The following ANK3 variants were observed in gnomAD, a reference collection of about 807,000 sequenced individuals.
ANK3 encodes the protein ankyrin 3.
In ANK3, 57 loss-of-function variants were observed where a neutral mutation model predicts 370.9. That is an observed-to-expected ratio of 0.15 (90% confidence interval 0.12 to 0.19). The LOEUF (loss-of-function observed/expected upper bound fraction) is 0.19. Ranked by LOEUF, ANK3 falls within the 10% of genes least tolerant of loss-of-function variation. The probability of loss-of-function intolerance (pLI) is 1.00; values close to 1 mark genes in which losing one functional copy is unlikely to be tolerated. For missense variants in ANK3, 4,439 were observed against 5,302.1 expected, an observed-to-expected ratio of 0.84 and a Z score of 5.06; for synonymous variants, 1,929 against 1,946.3, an observed-to-expected ratio of 0.99 and a Z score of 0.23.
At chr10:60,381,035 C>T (rs556270143) in intron 1 of ANK3, among the ~76,000 whole-genome samples, 9 of 152,112 alleles carry the variant, frequency 5.9e-5, no homozygotes, top group Admixed American at 1.3e-4. Flanking sequence ...TTATTCATTC[C>T]TCTCCCAGTC....
intron 24 of ANK3, 163 bp downstream of exon 24, chr10:60,138,801 A>AAAAT (rs2094453727): frequency 1.1e-5 from 9 of 845,702 alleles, no homozygotes; most frequent in Non-Finnish European, 1.4e-5. Flanking sequence ...ACCACAAAAG[A>AAAAT]AAATAGCAGA....
chr10:60,116,320 G>A (rs977091139), intron 25 of ANK3, among the ~76,000 whole-genome samples: 4 of 152,114 alleles, frequency 2.6e-5, no homozygotes, highest in Non-Finnish European at 5.9e-5. Flanking sequence ...ATTTCCCAGT[G>A]AAATGTTCTG....
At chr10:60,120,668 T>C (rs1185640082) in intron 25 of ANK3, among the ~76,000 whole-genome samples, 1 of 151,846 alleles carries the variant, frequency 6.6e-6, no homozygotes, top group Non-Finnish European at 1.5e-5. Flanking sequence ...AAGAACTGAA[T>C]AGACATTTCT....
At chr10:60,112,139 G>A (rs903136572) in intron 26 of ANK3, among the ~76,000 whole-genome samples, 4 of 152,082 alleles carry the variant, frequency 2.6e-5, no homozygotes, top group Non-Finnish European at 4.4e-5. Context: ...TAATGTATGG[G>A]AAAGTTCATT....
At chr10:60,636,440 T>A (rs2078555903) in intron 1 of ANK3, among the ~76,000 whole-genome samples, 1 of 152,184 alleles carries the variant, frequency 6.6e-6, no homozygotes, top group African/African-American at 2.4e-5. Flanking sequence ...CCAACTTTCT[T>A]CTCTTCGTGT....
At chr10:60,189,846 G>C (rs1455263283) in intron 16 of ANK3, among the ~76,000 whole-genome samples, 3 of 152,146 alleles carry the variant, frequency 2.0e-5, no homozygotes, top group Non-Finnish European at 4.4e-5. Flanking sequence ...ATTATCAAAA[G>C]TAATATATAG....
intron 1 of ANK3, among the ~76,000 whole-genome samples, chr10:60,631,857 G>A (rs901156229): frequency 2.6e-5 from 4 of 152,204 alleles, no homozygotes; most frequent in African/African-American, 7.2e-5. Flanking sequence ...ATTAATACAA[G>A]TCGAATTTTT....
chr10:60,139,169 T>C (rs1336261524), intron 23 of ANK3, 82 bp from the exon 24 acceptor site: 5 of 1,526,264 alleles, frequency 3.3e-6, no homozygotes, highest in East Asian at 2.3e-5. Flanking sequence ...CCTTTGGTTA[T>C]CAGCAAATCC....
intron 21 of ANK3, among the ~76,000 whole-genome samples, chr10:60,171,059 G>A (rs1466538373): frequency 1.3e-5 from 2 of 152,006 alleles, no homozygotes; most frequent in African/African-American, 4.8e-5. Context: ...AGCTACATGG[G>A]ATATAAAATT....
intron 18 of ANK3, among the ~76,000 whole-genome samples, chr10:60,177,593 CTTTTTT>C (rs771714886): frequency 9.4e-6 from 1 of 106,252 alleles, no homozygotes; most frequent in East Asian, 3.2e-4. Flanking sequence ...GTCTTCAAAT[CTTTTTT>C]TTTTTTTTTT....
chr10:60,273,527 T>A (rs1054784775), intron 4 of ANK3, among the ~76,000 whole-genome samples: 2 of 152,212 alleles, frequency 1.3e-5, no homozygotes, highest in African/African-American at 2.4e-5. Flanking sequence ...TAACCACTAA[T>A]GCACTTTCTC....
intron 1 of ANK3, among the ~76,000 whole-genome samples, chr10:60,366,188 A>G (rs1174862469): frequency 6.6e-6 from 1 of 151,940 alleles, no homozygotes; most frequent in Non-Finnish European, 1.5e-5. Flanking sequence ...AAATACAAAA[A>G]TTAGCCAGGC....
chr10:60,361,481 G>C (rs7083624), intron 1 of ANK3, among the ~76,000 whole-genome samples: 109,680 of 152,050 alleles, frequency 0.72, 40,042 homozygotes, highest in South Asian at 0.9. Flanking sequence ...TTAATTTTCG[G>C]TTTAACTCAA....
chr10:60,418,966 T>G (rs1294561557), intron 2 of ANK3, among the ~76,000 whole-genome samples: 3 of 152,170 alleles, frequency 2.0e-5, no homozygotes, highest in African/African-American at 7.2e-5. Flanking sequence ...ATTTGTAATA[T>G]TTACAATACA....
chr10:60,163,702 TTTATC>T (rs1445014096), intron 23 of ANK3, among the ~76,000 whole-genome samples: 1 of 152,182 alleles, frequency 6.6e-6, no homozygotes, highest in Non-Finnish European at 1.5e-5. Context: ...TTTTTAATTT[TTTATC>T]TTATTTATTT....
intron 2 of ANK3, among the ~76,000 whole-genome samples, chr10:60,535,132 CA>C (rs1197129471): frequency 6.6e-6 from 1 of 152,144 alleles, no homozygotes; most frequent in African/African-American, 2.4e-5. Context: ...CAATACAGGT[CA>C]CTGTAGACTG....
At chr10:60,249,974 T>C (rs1592464759) in intron 7 of ANK3, among the ~76,000 whole-genome samples, 1 of 152,246 alleles carries the variant, frequency 6.6e-6, no homozygotes, top group East Asian at 1.9e-4. Context: ...CACTGACTTA[T>C]CTATAAAATT....
chr10:60,379,796 T>A (rs1283172151), intron 1 of ANK3, among the ~76,000 whole-genome samples: 1 of 152,160 alleles, frequency 6.6e-6, no homozygotes, highest in African/African-American at 2.4e-5. Context: ...GTTCTAGTAT[T>A]CTGTATCACA....
intron 1 of ANK3, among the ~76,000 whole-genome samples, chr10:60,687,963 G>C (rs1366494611): frequency 1.3e-5 from 2 of 152,168 alleles, no homozygotes; most frequent in Non-Finnish European, 2.9e-5. Flanking sequence ...CAGTGACAGA[G>C]ACACAAACAT....
Sources: gnomAD v4.1 joint callset for allele counts (sites outside exome capture counted in the v4.1 genomes callset) on GRCh38, gnomAD v4.1.1 for gene constraint, MANE v1.5 for transcripts, NCBI Gene and HGNC (gene_info 2026-07-23, HGNC 2026-07-21) for gene names.